Variants in ATXN7L1 observed in about 807,000 individuals in gnomAD.
The protein encoded by ATXN7L1 is ataxin 7 like 1, also known as ataxin-7-like protein 1.
In ATXN7L1, 15 loss-of-function variants were observed where a neutral mutation model predicts 70.8. The ratio of observed to expected loss-of-function variants is 0.21; its 90% CI spans 0.14 to 0.33. The LOEUF (loss-of-function observed/expected upper bound fraction) is 0.33, where lower values mean the gene tolerates loss of function less well. Ranked by LOEUF, ATXN7L1 falls within the 10% of genes least tolerant of loss-of-function variation. The probability of loss-of-function intolerance (pLI) is 1.00; values close to 1 mark genes in which losing one functional copy is unlikely to be tolerated. For synonymous variants in ATXN7L1, 440 were observed against 445.1 expected (o/e 0.99, Z 0.14); for missense variants, 975 against 1,097.1 (o/e 0.89, Z 1.57).
intron 3 of ATXN7L1, among the ~76,000 whole-genome samples, chr7:105,688,806 A>T (rs998373876): frequency 6.6e-6 from 1 of 152,246 alleles, no homozygotes; most frequent in Non-Finnish European, 1.5e-5. Flanking sequence ...CTACAAGTAC[A>T]CGGAGCAGGT....
chr7:105,622,766 T>C (rs1193270003), intron 8 of ATXN7L1, among the ~76,000 whole-genome samples: 1 of 152,150 alleles, frequency 6.6e-6, no homozygotes, highest in Admixed American at 6.5e-5. Context: ...CATAGGAAGA[T>C]TTTCTTTCCT....
At chr7:105,642,310 T>C (rs1798389810) in intron 5 of ATXN7L1, among the ~76,000 whole-genome samples, 1 of 152,182 alleles carries the variant, frequency 6.6e-6, no homozygotes, top group Non-Finnish European at 1.5e-5. Flanking sequence ...AACCTGATTA[T>C]GGGGGATCGA....
chr7:105,760,156 A>C, intron 3 of ATXN7L1: 2 of 970,330 alleles, frequency 2.1e-6, no homozygotes, highest in Non-Finnish European at 1.2e-6. Flanking sequence ...TGGCCCCCTA[A>C]CTGTTAATCT....
intron 3 of ATXN7L1, among the ~76,000 whole-genome samples, chr7:105,689,800 C>A (rs527986364): frequency 1.3e-5 from 2 of 152,180 alleles, no homozygotes; most frequent in African/African-American, 4.8e-5. Context: ...GGATCATGTC[C>A]GAGCCCGAGT....
chr7:105,614,429 A>G lies in ATXN7L1; in HGVS notation c.1905T>C (p.Arg635=). 1 of 1,549,898 alleles carries G rather than the reference A, an allele frequency of 6.5e-7. No homozygotes were observed. The highest frequency in any genetic ancestry group is 8.7e-7 in the Non-Finnish European group (1 of 1,145,828). ...KSSKVKDLST[R]SDESPSNKKR... ...TTTTGTTACTTGGAGACTCGTCGCT[A>G]CGGGTGGACAGGTCTTTGACTTTTG... Residue 635 remains arginine (R), a synonymous_variant, in exon 10 of 12, where the codon CGT becomes CGC. Transcript: ENST00000419735. The surrounding 1 kb of genome is among the most constrained non-coding windows in gnomAD (Gnocchi z 4.3).
intron 8 of ATXN7L1, among the ~76,000 whole-genome samples, chr7:105,621,336 C>T (rs1794904295): frequency 6.6e-6 from 1 of 152,178 alleles, no homozygotes; most frequent in African/African-American, 2.4e-5. Context: ...ATTCCCATGG[C>T]ACACCCATTG....
chr7:105,785,030 G>T (rs1804089558), intron 3 of ATXN7L1, among the ~76,000 whole-genome samples: 1 of 152,168 alleles, frequency 6.6e-6, no homozygotes, highest in African/African-American at 2.4e-5. Flanking sequence ...AGAAAGTTTG[G>T]CAGTTAACCA....
intron 2 of ATXN7L1, among the ~76,000 whole-genome samples, chr7:105,793,291 A>C (rs1266570277): frequency 2.6e-5 from 4 of 152,162 alleles, no homozygotes; most frequent in African/African-American, 9.7e-5. Flanking sequence ...GAGTGTCCTC[A>C]TCTCTGAAAA....
chr7:105,691,837 T>C (rs575077598), intron 3 of ATXN7L1, among the ~76,000 whole-genome samples: 11 of 152,114 alleles, frequency 7.2e-5, no homozygotes, highest in Non-Finnish European at 1.3e-4. Flanking sequence ...CTATCCGCGC[T>C]TGCACACGCC....
chr7:105,800,969 G>T (rs985906392), intron 2 of ATXN7L1, among the ~76,000 whole-genome samples: 9 of 152,198 alleles, frequency 5.9e-5, no homozygotes, highest in Admixed American at 5.9e-4. Context: ...TGCTTAGAAT[G>T]CAGGTTCTGG....
chr7:105,620,390 A>G, intron 8 of ATXN7L1, 69 bp from the exon 9 acceptor site: 4 of 1,423,726 alleles, frequency 2.8e-6, no homozygotes, highest in Non-Finnish European at 2.8e-6. Context: ...ACAGAGAAAA[A>G]TAACATTTAC....
At chr7:105,627,305 G>A (rs540327990) in intron 7 of ATXN7L1, among the ~76,000 whole-genome samples, 2 of 152,024 alleles carry the variant, frequency 1.3e-5, no homozygotes, top group Non-Finnish European at 2.9e-5. Context: ...CATGATCATG[G>A]CTCACTGCAG....
chr7:105,859,285 G>A (rs1157433281), intron 2 of ATXN7L1, among the ~76,000 whole-genome samples: 1 of 152,110 alleles, frequency 6.6e-6, no homozygotes, highest in East Asian at 1.9e-4. Context: ...GAGAATTTAA[G>A]TGAACAGCTC....
chr7:105,653,201 A>T (rs1014162790), intron 4 of ATXN7L1, among the ~76,000 whole-genome samples: 1 of 152,164 alleles, frequency 6.6e-6, no homozygotes, highest in African/African-American at 2.4e-5. Context: ...TCATCCCAGC[A>T]CTTTGGGAGG....
At chr7:105,703,584 T>C (rs926758505) in intron 3 of ATXN7L1, among the ~76,000 whole-genome samples, 1 of 152,212 alleles carries the variant, frequency 6.6e-6, no homozygotes, top group Admixed American at 6.5e-5. Context: ...TTTTTACTGG[T>C]GCAATTAACG....
intron 10 of ATXN7L1, 35 bp from the exon 11 acceptor site, chr7:105,610,638 C>A: frequency 6.5e-7 from 1 of 1,534,664 alleles, no homozygotes; most frequent in African/African-American, 1.4e-5. Context: ...CTCAGACACA[C>A]GAGCCAGCCT....
At chr7:105,808,585 A>G (rs1317425235) in intron 2 of ATXN7L1, among the ~76,000 whole-genome samples, 1 of 152,244 alleles carries the variant, frequency 6.6e-6, no homozygotes, top group African/African-American at 2.4e-5. Flanking sequence ...AGCACCTAAA[A>G]TGCCTAAGCA....
At chr7:105,673,850 C>T (rs1804175111) in intron 3 of ATXN7L1, among the ~76,000 whole-genome samples, 1 of 152,222 alleles carries the variant, frequency 6.6e-6, no homozygotes, top group Non-Finnish European at 1.5e-5. Context: ...CCTGTTGTCT[C>T]ATTTGTCACC....
chr7:105,860,606 C>T (rs1212623307), intron 2 of ATXN7L1, among the ~76,000 whole-genome samples: 1 of 152,152 alleles, frequency 6.6e-6, no homozygotes, highest in Non-Finnish European at 1.5e-5. Context: ...ACTGTTGTTT[C>T]ATGGGTATGA....
Sources: allele counts gnomAD v4.1 joint callset (sites outside exome capture counted in the v4.1 genomes callset), GRCh38; gene constraint gnomAD v4.1.1; non-coding constraint Gnocchi (gnomAD v3.1); transcripts MANE v1.5; gene names NCBI Gene and HGNC (gene_info 2026-07-23, HGNC 2026-07-21).